Variants in RWDD3 observed in about 807,000 individuals in gnomAD.
The protein encoded by RWDD3 is RWD domain-containing protein 3.
Under a neutral mutation model 26.5 loss-of-function variants are expected in RWDD3, and 30 were observed. The observed-to-expected ratio is 1.13, with a 90% confidence interval of 0.85 to 1.54. The LOEUF is 1.54. RWDD3 is among the 40% of genes most tolerant of loss of function. The pLI is 0.00. For missense variants in RWDD3, 296 were observed against 309.1 expected (o/e 0.96, Z 0.32); for synonymous variants, 113 against 114.5 (o/e 0.99, Z 0.09).
chr1:95,234,490 G>T (rs530241681), intron 1 of RWDD3, among the ~76,000 whole-genome samples, 175 bp downstream of exon 1: 1 of 152,216 alleles, frequency 6.6e-6, no homozygotes, highest in South Asian at 2.1e-4. Flanking sequence ...CAGCGGGCGG[G>T]AGTGTGAGGC....
intron 2 of RWDD3, 128 bp downstream of exon 2, chr1:95,244,826 C>G (rs564521951): frequency 2.0e-6 from 2 of 1,012,914 alleles, no homozygotes; most frequent in Non-Finnish European, 1.4e-6. Flanking sequence ...TTATTACAAT[C>G]TTAATGGATC....
intron 1 of RWDD3, among the ~76,000 whole-genome samples, chr1:95,235,337 C>T (rs981389648): frequency 7.2e-6 from 1 of 139,520 alleles, no homozygotes; most frequent in Non-Finnish European, 1.5e-5. Flanking sequence ...CAGGCGTGAG[C>T]CACTGCGCCC....
chr1:95,236,112 G>A (rs1448172014), intron 1 of RWDD3, among the ~76,000 whole-genome samples: 1 of 152,160 alleles, frequency 6.6e-6, no homozygotes, highest in Non-Finnish European at 1.5e-5. Context: ...GATCACCTGA[G>A]GTCAGGAGTT....
At chr1:95,238,789 T>C (rs969347544) in intron 1 of RWDD3, among the ~76,000 whole-genome samples, 1 of 152,208 alleles carries the variant, frequency 6.6e-6, no homozygotes, top group Admixed American at 6.5e-5. Context: ...TGTTGTATTT[T>C]ATTAAGTAGA....
Position 95,246,756 on chromosome 1 carries a change from G to A in RWDD3, c.690G>A (p.Arg230=). The A allele has an allele frequency of 6.4e-7, 1 of 1,554,562 alleles. No homozygotes were observed. The highest frequency in any genetic ancestry group is 1.2e-5 in the South Asian group (1 of 82,014). ...CATGAGTTTCTTTTGTATAATGCAG[G>A]TTTCTGGCATTTGAAGTCAAAGAGT... The part of the protein sequence containing the change: ...FETKVQTEHK[R]FLAFEVKEYS... The change falls in exon 4 of 4, where the codon AGG becomes AGA. Residue 230 remains arginine (R), a splice_region_variant and synonymous_variant. Coordinates refer to ENST00000370202, the MANE Select transcript of RWDD3 (RefSeq NM_015485.5).
chr1:95,235,115 C>G (rs1402937902), intron 1 of RWDD3, among the ~76,000 whole-genome samples: 1 of 151,066 alleles, frequency 6.6e-6, no homozygotes, highest in African/African-American at 2.4e-5. Context: ...GGCGCGATCT[C>G]GGGTCACTGC....
intron 2 of RWDD3, among the ~76,000 whole-genome samples, chr1:95,245,566 G>A (rs1680820168): frequency 6.6e-6 from 1 of 152,118 alleles, no homozygotes; most frequent in Non-Finnish European, 1.5e-5. Context: ...CCACAAAACT[G>A]CTTTGGCATT....
intron 2 of RWDD3, 195 bp downstream of exon 2, chr1:95,244,893 CT>C (rs77967586): frequency 5.8e-5 from 35 of 600,542 alleles, no homozygotes; most frequent in Middle Eastern, 4.6e-4. Flanking sequence ...ACTTGCAAAG[CT>C]TGAAGAATAA....
intron 2 of RWDD3, chr1:95,246,250 A>G (rs1455145476): frequency 3.8e-5 from 9 of 234,146 alleles, no homozygotes; most frequent in Non-Finnish European, 6.6e-5. Context: ...TTTTATGGAG[A>G]AGGCAACTGA....
chr1:95,242,938 A>G (rs1277215300), intron 1 of RWDD3, among the ~76,000 whole-genome samples: 1 of 152,144 alleles, frequency 6.6e-6, no homozygotes, highest in Non-Finnish European at 1.5e-5. Flanking sequence ...AAGAATAAGT[A>G]ACTAGATAGA....
chr1:95,239,942 C>T, intron 1 of RWDD3: 1 of 1,289,366 alleles, frequency 7.8e-7, no homozygotes, highest in African/African-American at 1.5e-5. Flanking sequence ...TTGGAGAACA[C>T]TGTGGGTCTC....
chr1:95,240,516 G>A (rs549725020), intron 1 of RWDD3, among the ~76,000 whole-genome samples: 1 of 152,200 alleles, frequency 6.6e-6, no homozygotes, highest in Non-Finnish European at 1.5e-5. Context: ...TAGACAGAAA[G>A]TTAAGGGCCT....
intron 1 of RWDD3, among the ~76,000 whole-genome samples, chr1:95,234,756 C>A (rs866919462): frequency 6.6e-6 from 1 of 152,122 alleles, no homozygotes; most frequent in South Asian, 2.1e-4. Context: ...TCTTAAGTTG[C>A]AGGAGGGCAG....
intron 1 of RWDD3, among the ~76,000 whole-genome samples, chr1:95,243,793 T>C (rs1308272418): frequency 6.6e-6 from 1 of 152,240 alleles, no homozygotes; most frequent in Non-Finnish European, 1.5e-5. Flanking sequence ...ATGACTTTCG[T>C]TGGATTTAGT....
Position 95,246,657 on chromosome 1 carries a change from G to T in RWDD3, c.689G>T (p.Arg230Met), listed in dbSNP as rs1453021161. 6.3e-7 allele frequency: 1 copy of T among 1,594,836 alleles called. No individual in the cohort carries two copies. The highest frequency in any genetic ancestry group is 8.6e-7 in the Non-Finnish European group (1 of 1,165,766). The stretch of plus-strand genomic sequence containing the variant: ...ACAAAAGTACAGACAGAACACAAAA[G>T]GTATAATTTAGTACTATTGCAGATG... Reference protein sequence around the residue: ...FETKVQTEHKRFLAFEVKEYS... With the variant: ...FETKVQTEHKMFLAFEVKEYS... The change falls in exon 3 of 4, where the codon AGG (arginine) becomes ATG (methionine). Residue 230 changes from arginine (R) to methionine (M), a missense_variant and splice_region_variant. Arg to Met is a moderately conservative substitution (Grantham distance 91). Coordinates refer to ENST00000370202, the MANE Select transcript of RWDD3 (RefSeq NM_015485.5).
At chr1:95,242,778 G>A (rs376094373) in intron 1 of RWDD3, among the ~76,000 whole-genome samples, 4 of 152,168 alleles carry the variant, frequency 2.6e-5, no homozygotes, top group African/African-American at 9.6e-5. Flanking sequence ...AATTAGCTGG[G>A]CATGGTGGCA....
chr1:95,236,388 A>G (rs371164391), intron 1 of RWDD3, among the ~76,000 whole-genome samples: 1 of 151,762 alleles, frequency 6.6e-6, no homozygotes, highest in African/African-American at 2.4e-5. Flanking sequence ...AAAACCATTT[A>G]AGATTAAGAT....
chr1:95,244,814 C>A (rs2101122802), intron 2 of RWDD3, 116 bp downstream of exon 2: 1 of 1,186,776 alleles, frequency 8.4e-7, no homozygotes, highest in Non-Finnish European at 1.2e-6. Flanking sequence ...TTTCTGCTTT[C>A]ATTATTACAA....
Position 95,246,736 on chromosome 1 carries a change from G to A in RWDD3, c.690-20G>A, listed in dbSNP as rs781397779. On this transcript the variant is annotated intron_variant, in intron 3 of 3. Transcript: ENST00000370202. Reference sequence around the variant, plus strand: ...CTGACAAATCTAGGCATATTCATGAGTTTCTTTTGTATAATGCAGGTTTCT... The same window carrying A: ...CTGACAAATCTAGGCATATTCATGAATTTCTTTTGTATAATGCAGGTTTCT... 5 of 1,544,292 alleles carry A rather than the reference G, an allele frequency of 3.2e-6. No individual in the cohort carries two copies. The highest frequency in any genetic ancestry group is 3.5e-6 in the Non-Finnish European group (4 of 1,140,250).
Sources: gnomAD v4.1 joint callset for allele counts (sites outside exome capture counted in the v4.1 genomes callset) on GRCh38, gnomAD v4.1.1 for gene constraint, MANE v1.5 for transcripts, NCBI Gene and HGNC (gene_info 2026-07-23, HGNC 2026-07-21) for gene names.